FOXK2: variants seen among roughly 807,000 people sequenced by gnomAD.
FOXK2 encodes the protein forkhead box protein K2.
Under a neutral mutation model 53.3 loss-of-function variants are expected in FOXK2, and 24 were observed. That is an observed-to-expected ratio of 0.45 (90% CI 0.33 to 0.63). The LOEUF (loss-of-function observed/expected upper bound fraction) is 0.63, where lower values mean the gene tolerates loss of function less well. FOXK2 is among the 30% of genes least tolerant of loss of function. The pLI, the probability that FOXK2 is intolerant of heterozygous loss-of-function variation, is 0.03. For missense variants in FOXK2, 952 were observed against 910.5 expected (o/e 1.05, Z -0.59); for synonymous variants, 505 against 407.1 (o/e 1.24, Z -2.89).
intron 1 of FOXK2, among the ~76,000 whole-genome samples, chr17:82,538,248 G>A (rs900748608): frequency 2.6e-5 from 4 of 151,962 alleles, no homozygotes; most frequent in African/African-American, 9.7e-5. Context: ...GATATAGGCC[G>A]GGTGGGAGGT....
At chr17:82,587,984 C>G (rs2045210279) in intron 8 of FOXK2, among the ~76,000 whole-genome samples, 1 of 152,118 alleles carries the variant, frequency 6.6e-6, no homozygotes, top group Non-Finnish European at 1.5e-5. Context: ...TGTCTCTGTG[C>G]CCACGACACG....
chr17:82,560,284 A>G (rs1377470097), intron 1 of FOXK2, among the ~76,000 whole-genome samples: 1 of 152,170 alleles, frequency 6.6e-6, no homozygotes. Flanking sequence ...CTGGAATTAC[A>G]GGCATGAACC....
In FOXK2 at chr17:82,520,181, T is replaced by G. The variant is rs767048386; in HGVS notation, c.293T>G (p.Leu98Arg). 1 of 1,451,844 alleles carries G rather than the reference T, an allele frequency of 6.9e-7. No homozygotes were observed. Among genetic ancestry groups the G allele is most frequent in the Non-Finnish European group, 9.1e-7 (1 of 1,100,118 alleles). The allele number at this position is 1,451,844 out of a possible 1,614,324, so 89.9% of individuals were successfully genotyped here. The part of the protein sequence containing the change: ...GGGHGGAAPE[L>R]PPAQPRPDAG... ...GGCCATGGCGGGGCCGCTCCGGAGC[T>G]GCCGCCCGCGCAGCCCAGGCCCGAC... Residue 98 changes from leucine to arginine, a missense_variant, in exon 1 of 9, where the codon CTG becomes CGG. Around this residue, in one of 5 missense-constraint regions of FOXK2, gnomAD observed 163 missense variants for 165.5 expected, o/e 0.98. Transcript: ENST00000335255.
intron 4 of FOXK2, chr17:82,576,511 C>G: frequency 1.7e-6 from 1 of 582,310 alleles, no homozygotes; most frequent in South Asian, 2.0e-5. Flanking sequence ...AATTACAAAA[C>G]AGAGTCAGTC....
intron 4 of FOXK2, among the ~76,000 whole-genome samples, chr17:82,574,777 C>T (rs2044964159): frequency 6.6e-6 from 1 of 152,150 alleles, no homozygotes; most frequent in Non-Finnish European, 1.5e-5. Flanking sequence ...CAACAAAAGC[C>T]AGGTGTTTTG....
chr17:82,587,558 C>G, intron 8 of FOXK2: 1 of 443,778 alleles, frequency 2.3e-6, no homozygotes, highest in Non-Finnish European at 4.2e-6. Context: ...GGCCTGGAAG[C>G]GGCCTGAAAC....
chr17:82,542,191 C>T (rs1396826491), intron 1 of FOXK2, among the ~76,000 whole-genome samples: 22 of 124,716 alleles, frequency 1.8e-4, no homozygotes, highest in Non-Finnish European at 2.7e-4. Flanking sequence ...GAGACAGTTT[C>T]GTTCTTGTCG....
chr17:82,586,246 A>C (rs1224709527), intron 7 of FOXK2, 46 bp downstream of exon 7: 1 of 654,054 alleles, frequency 1.5e-6, no homozygotes, highest in Non-Finnish European at 2.1e-6. Flanking sequence ...AGGGAGGTGA[A>C]AGGTGGGCCG....
chr17:82,562,164 T>G (rs1598213033), intron 1 of FOXK2, among the ~76,000 whole-genome samples: 1 of 152,242 alleles, frequency 6.6e-6, no homozygotes, highest in Non-Finnish European at 1.5e-5. Flanking sequence ...TTGAATCATG[T>G]CAAGGAAGCT....
intron 1 of FOXK2, among the ~76,000 whole-genome samples, chr17:82,554,536 G>C (rs2044705111): frequency 6.6e-6 from 1 of 152,148 alleles, no homozygotes; most frequent in African/African-American, 2.4e-5. Context: ...GAAGGAAATG[G>C]AATTTTTATC....
Position 82,570,078 on chromosome 17 carries a change from T to C in FOXK2, c.763-1646T>C, listed in dbSNP as rs577937830. Among the ~76,000 whole-genome samples the C allele has an allele frequency of 3.9e-4, 59 of 150,732 alleles. No individual in the cohort carries two copies. In the East Asian group the frequency reaches 5.1e-3, roughly 13 times the overall value. ...TGTACTAAAAATACAAAAAATTAGC[T>C]GGGCGTGTTGGCAGGCGCCTGTAGT... On this transcript the variant is annotated intron_variant, in intron 3 of 8. Coordinates refer to ENST00000335255, the MANE Select transcript of FOXK2 (RefSeq NM_004514.4).
chr17:82,528,231 T>C (rs2044437740), intron 1 of FOXK2, among the ~76,000 whole-genome samples: 1 of 152,188 alleles, frequency 6.6e-6, no homozygotes, highest in Non-Finnish European at 1.5e-5. Context: ...GCATGATTGG[T>C]GGAAATATTC....
intron 1 of FOXK2, among the ~76,000 whole-genome samples, chr17:82,523,137 A>G (rs545955654): frequency 3.3e-5 from 5 of 152,254 alleles, no homozygotes; most frequent in Admixed American, 2.6e-4. Context: ...TGCAGTAGAG[A>G]TGAGTAAGAA....
At chr17:82,571,891 G>T in intron 4 of FOXK2, 21 bp downstream of exon 4, 2 of 1,530,680 alleles carry the variant, frequency 1.3e-6, no homozygotes, top group Non-Finnish European at 1.7e-6. Flanking sequence ...TCAGTTTGTT[G>T]TTAAATAGAG....
intron 4 of FOXK2, chr17:82,578,309 G>T (rs1289870478): frequency 6.6e-6 from 1 of 152,294 alleles, no homozygotes; most frequent in African/African-American, 2.4e-5. Context: ...GAGGGAGCTG[G>T]TGCTCAGGGA....
intron 1 of FOXK2, among the ~76,000 whole-genome samples, chr17:82,552,167 T>C (rs2044683545): frequency 1.3e-5 from 2 of 152,272 alleles, no homozygotes; most frequent in Admixed American, 6.5e-5. Flanking sequence ...GAGGTTTGCA[T>C]TGGACATGTT....
chr17:82,586,945 T>G, intron 7 of FOXK2, 118 bp from the exon 8 acceptor site: 1 of 924,092 alleles, frequency 1.1e-6, no homozygotes, highest in South Asian at 1.5e-5. Flanking sequence ...ATTTGCTGTT[T>G]GTTTTAGAGA....
At chr17:82,570,864 G>A (rs1037018593) in intron 3 of FOXK2, among the ~76,000 whole-genome samples, 8 of 152,208 alleles carry the variant, frequency 5.3e-5, no homozygotes, top group African/African-American at 1.9e-4. Flanking sequence ...CCTTGAAAGA[G>A]CCAGGACCAG....
chr17:82,581,890 T>C (rs1156722308), intron 4 of FOXK2, among the ~76,000 whole-genome samples: 1 of 152,134 alleles, frequency 6.6e-6, no homozygotes, highest in Non-Finnish European at 1.5e-5. Context: ...GAAAGAATGA[T>C]GCACTGATGA....
Sources: allele counts gnomAD v4.1 joint callset (sites outside exome capture counted in the v4.1 genomes callset), GRCh38; gene constraint gnomAD v4.1.1; regional missense constraint gnomAD v4.1.1; transcripts MANE v1.5; gene names NCBI Gene and HGNC (gene_info 2026-07-23, HGNC 2026-07-21).